The following TACC2 variants were observed in gnomAD, a reference collection of about 807,000 sequenced individuals.
TACC2 encodes transforming acidic coiled-coil-containing protein 2.
A neutral mutation model predicts 227.3 loss-of-function variants in TACC2; 137 were observed. The ratio of observed to expected loss-of-function variants is 0.60; its 90% CI spans 0.52 to 0.69. The LOEUF (loss-of-function observed/expected upper bound fraction) is 0.69. Among genes scored for constraint, TACC2 ranks in the 30% least tolerant of loss-of-function variants. The pLI is 0.00. For missense variants in TACC2, 3,470 were observed against 3,694.4 expected, an observed-to-expected ratio of 0.94 and a Z score of 1.57; for synonymous variants, 1,523 against 1,487.5, an observed-to-expected ratio of 1.02 and a Z score of -0.55.
At chr10:122,134,871 G>C (rs1192451142) in intron 6 of TACC2, among the ~76,000 whole-genome samples, 1 of 152,220 alleles carries the variant, frequency 6.6e-6, no homozygotes, top group African/African-American at 2.4e-5. Flanking sequence ...GGTGTAATGG[G>C]TGCTTCTGAA....
At chr10:121,989,759 T>G (rs1305417693) in intron 1 of TACC2, among the ~76,000 whole-genome samples, 1 of 152,008 alleles carries the variant, frequency 6.6e-6, no homozygotes. Context: ...ATTTTATTTT[T>G]TTTTTTTATG....
chr10:122,097,633 T>C (rs1296401531), intron 5 of TACC2, among the ~76,000 whole-genome samples: 1 of 151,712 alleles, frequency 6.6e-6, no homozygotes, highest in Non-Finnish European at 1.5e-5. Flanking sequence ...CTAGGGTTGG[T>C]AGGCGGCCGG....
At position 121,993,643 on chromosome 10, in the gene TACC2, G is replaced by A. The variant is rs559225279; in HGVS notation, c.-46+4155G>A. Among the ~76,000 whole-genome samples, 6 of 151,760 alleles carry A rather than the reference G, an allele frequency of 4.0e-5. No individual in the cohort carries two copies. The South Asian group carries it at 1.0e-3, about 26-fold the overall frequency. ...TTTTTGTTTTTTGTTTGTTTGTTTT[G>A]GAGACAGGTTCTCAATTTGTCACCC... is the stretch of plus-strand genomic sequence containing the variant. On this transcript the variant is annotated intron_variant, in intron 1 of 22. Transcript: ENST00000369005.
At chr10:122,068,697 G>A (rs1168571427) in intron 3 of TACC2, among the ~76,000 whole-genome samples, 6 of 149,028 alleles carry the variant, frequency 4.0e-5, no homozygotes, top group Admixed American at 6.8e-5. Context: ...GGAGTCTCAC[G>A]GTGTCGCCCA....
Position 122,086,401 on chromosome 10 carries a change from G to T in TACC2, c.3901G>T (p.Gly1301Cys), listed in dbSNP as rs2080100823. The T allele has an allele frequency of 6.2e-7, 1 of 1,613,636 alleles. No individual in the cohort carries two copies. Among genetic ancestry groups the T allele is most frequent in the East Asian group, 2.2e-5 (1 of 44,882 alleles). Residue 1301 changes from glycine to cysteine, a missense_variant, in exon 4 of 23, where the codon GGT becomes TGT. Physicochemically the swap from Gly to Cys is radical, Grantham distance 159. Around this residue, in one of 10 missense-constraint regions of TACC2, gnomAD observed 1,924 missense variants for 1,978.3 expected, o/e 0.97. Coordinates refer to ENST00000369005, the MANE Select transcript of TACC2 (RefSeq NM_206862.4). ...LAPLLQPGAA[G>C]GEIPAVQASS... is the part of the protein sequence containing the mutation. ...CCCCCTGTTGCAACCAGGAGCTGCA[G>T]GTGGGGAAATCCCTGCAGTGCAAGC...
At chr10:122,008,838 G>T (rs1349869176) in intron 1 of TACC2, among the ~76,000 whole-genome samples, 1 of 152,092 alleles carries the variant, frequency 6.6e-6, no homozygotes, top group African/African-American at 2.4e-5. Flanking sequence ...CTCCCAAAGT[G>T]CTGGGATAAC....
In TACC2 at chr10:122,124,380, C is replaced by T. The variant is rs57320959; in HGVS notation, c.5574-8229C>T. The stretch of plus-strand genomic sequence containing the variant: ...TGTTCCAAAGCTCTCACTTCGGCTC[C>T]ACTGCCTGCATTTCTTGCCCCCTCC... On this transcript the variant is annotated intron_variant, in intron 5 of 22. Coordinates refer to ENST00000369005, the MANE Select transcript of TACC2 (RefSeq NM_206862.4). Among the ~76,000 whole-genome samples, 801 of 152,330 alleles carry T rather than the reference C, an allele frequency of 5.3e-3. 11 individuals are homozygous for T. The highest frequency in any genetic ancestry group is 0.019 in the African/African-American group (780 of 41,564).
Position 122,085,870 on chromosome 10 carries a change from G to T in TACC2, c.3370G>T (p.Gly1124Cys), listed in dbSNP as rs748012977. The T allele has an allele frequency of 2.5e-6, 4 of 1,613,272 alleles. No individual in the cohort carries two copies. Among genetic ancestry groups the T allele is most frequent in the Non-Finnish European group, 3.4e-6 (4 of 1,179,696 alleles). The change falls in exon 4 of 23, where the codon GGT (glycine) becomes TGT (cysteine). Residue 1124 changes from glycine (G) to cysteine (C), a missense_variant. This residue lies in a region of TACC2 where 1,924 missense variants were observed against 1,978.3 expected (regional missense o/e 0.97). Transcript: ENST00000369005. ...AAGTTTCCCATCAGCTGGGGAGCAA[G>T]GTGGTGAAGCCGGGGCTGCTGAGAC... ...LASFPSAGEQ[G>C]GEAGAAETGG...
chr10:122,030,304 C>T (rs1043662253), intron 2 of TACC2, among the ~76,000 whole-genome samples: 1 of 152,118 alleles, frequency 6.6e-6, no homozygotes, highest in African/African-American at 2.4e-5. Flanking sequence ...ATTGAATGTA[C>T]ACTGTTTACT....
At chr10:122,033,160 G>C (rs1959177308) in intron 2 of TACC2, 1 of 1,289,052 alleles carries the variant, frequency 7.8e-7, no homozygotes, top group Non-Finnish European at 1.0e-6. Context: ...ACAGGTACTG[G>C]GGAATGTGCT....
At chr10:122,108,634 C>T (rs1307315939) in intron 5 of TACC2, among the ~76,000 whole-genome samples, 2 of 149,938 alleles carry the variant, frequency 1.3e-5, no homozygotes, top group African/African-American at 2.5e-5. Context: ...TTAGTAGAGA[C>T]GAGGTTTCAC....
At chr10:122,241,872 C>A in intron 18 of TACC2, 86 bp from the exon 19 acceptor site, 1 of 1,299,860 alleles carries the variant, frequency 7.7e-7, no homozygotes, top group Non-Finnish European at 1.1e-6. Flanking sequence ...CCCTGCTGGA[C>A]ATGGGTCAGG....
At chr10:122,196,933 C>CAAAAAAA (rs58473562) in intron 8 of TACC2, among the ~76,000 whole-genome samples, 7 of 78,232 alleles carry the variant, frequency 8.9e-5, no homozygotes, top group Middle Eastern at 9.8e-3. Flanking sequence ...GAGTCCGTCT[C>CAAAAAAA]AAAAAAAAAA....
intron 3 of TACC2, among the ~76,000 whole-genome samples, chr10:122,077,007 C>T (rs79619629): frequency 9.6e-4 from 144 of 150,548 alleles, no homozygotes; most frequent in African/African-American, 3.4e-3. Flanking sequence ...CCCAGCCACT[C>T]GGGAGGCTGA....
At chr10:122,010,374 C>G (rs75449825) in intron 1 of TACC2, among the ~76,000 whole-genome samples, 14,199 of 152,174 alleles carry the variant, frequency 0.093, 1,372 homozygotes, top group African/African-American at 0.25. Context: ...TTTTGCTAAT[C>G]TTGTCTGCAG....
intron 7 of TACC2, chr10:122,163,680 ACT>A (rs2092965821): frequency 9.4e-7 from 1 of 1,064,786 alleles, no homozygotes; most frequent in Non-Finnish European, 1.1e-6. Flanking sequence ...CGCCGGCCAC[ACT>A]CGGGCGCGCG....
chr10:122,253,609 C>A (rs1258684115), intron 22 of TACC2, among the ~76,000 whole-genome samples: 1 of 152,340 alleles, frequency 6.6e-6, no homozygotes, highest in African/African-American at 2.4e-5. Context: ...GAGGGGTTTA[C>A]CCCAGACGCT....
intron 4 of TACC2, 77 bp from the exon 5 acceptor site, chr10:122,088,401 G>T: frequency 1.5e-6 from 2 of 1,324,780 alleles, no homozygotes; most frequent in South Asian, 1.6e-5. Flanking sequence ...TGAGAAATCT[G>T]CTTTTTCAAT....
intron 9 of TACC2, among the ~76,000 whole-genome samples, chr10:122,214,205 AGGG>A (rs1219368074): frequency 2.2e-4 from 34 of 152,184 alleles, no homozygotes; most frequent in Admixed American, 2.2e-3. Flanking sequence ...CTTCTGCCCA[AGGG>A]ATTTCTTGAG....
Sources: allele counts gnomAD v4.1 joint callset (sites outside exome capture counted in the v4.1 genomes callset), GRCh38; gene constraint gnomAD v4.1.1; regional missense constraint gnomAD v4.1.1; transcripts MANE v1.5; gene names NCBI Gene and HGNC (gene_info 2026-07-23, HGNC 2026-07-21).